THSD4: variants seen among roughly 807,000 people sequenced by gnomAD.
The protein encoded by THSD4 is thrombospondin type-1 domain-containing protein 4.
THSD4 carries 69 observed loss-of-function variants against 119.0 expected under a neutral mutation model. That is an observed-to-expected ratio of 0.58 (90% CI 0.48 to 0.71). THSD4 has a LOEUF of 0.71. THSD4 is among the 30% of genes least tolerant of loss of function. The pLI, the probability that THSD4 is intolerant of heterozygous loss-of-function variation, is 0.00. For missense variants in THSD4, 1,393 were observed against 1,391.1 expected, an observed-to-expected ratio of 1.00 and a Z score of -0.02; for synonymous variants, 524 against 540.4, an observed-to-expected ratio of 0.97 and a Z score of 0.42.
At chr15:71,135,709 T>C (rs1254418841) in intron 1 of THSD4, among the ~76,000 whole-genome samples, 2 of 152,212 alleles carry the variant, frequency 1.3e-5, no homozygotes, top group African/African-American at 4.8e-5. Context: ...GCCAAAGCTC[T>C]TTCTCCAATG....
chr15:71,240,785 A>G (rs1025288343), intron 4 of THSD4, among the ~76,000 whole-genome samples: 5 of 145,068 alleles, frequency 3.4e-5, no homozygotes, highest in Non-Finnish European at 7.4e-5. Flanking sequence ...TCCAAGTTTT[A>G]TATATATGTG....
chr15:71,181,975 G>T (rs17784813), intron 3 of THSD4, among the ~76,000 whole-genome samples: 25,330 of 152,184 alleles, frequency 0.17, 2,177 homozygotes, highest in Admixed American at 0.21. Flanking sequence ...TGCAGAAGAT[G>T]TTGAGAGATC....
chr15:71,732,025 C>A (rs903708345), intron 10 of THSD4: 1 of 152,302 alleles, frequency 6.6e-6, no homozygotes, highest in Admixed American at 6.5e-5. Context: ...TCTCTCTGAC[C>A]CTGGCCTCAT....
chr15:71,256,283 T>G (rs1485950603), intron 5 of THSD4, among the ~76,000 whole-genome samples: 1 of 152,076 alleles, frequency 6.6e-6, no homozygotes, highest in African/African-American at 2.4e-5. Flanking sequence ...AAGACCAGCC[T>G]GGCCAACATG....
chr15:71,737,007 T>TAAAA (rs1431477371), intron 10 of THSD4, among the ~76,000 whole-genome samples: 1 of 152,238 alleles, frequency 6.6e-6, no homozygotes, highest in African/African-American at 2.4e-5. Context: ...TTGTCATTTC[T>TAAAA]TCATGTCGGA....
intron 7 of THSD4, among the ~76,000 whole-genome samples, chr15:71,637,500 C>T (rs930252808): frequency 4.6e-5 from 7 of 152,068 alleles, no homozygotes; most frequent in African/African-American, 1.7e-4. Flanking sequence ...GAAGACCCCA[C>T]GTGCAGGGAA....
intron 6 of THSD4, among the ~76,000 whole-genome samples, chr15:71,404,861 T>C (rs758224993): frequency 6.9e-6 from 1 of 145,224 alleles, no homozygotes; most frequent in African/African-American, 2.7e-5. Flanking sequence ...CTTTTCTTTC[T>C]TTTCTTTCCT....
intron 7 of THSD4, among the ~76,000 whole-genome samples, chr15:71,456,018 C>T (rs1399580589): frequency 1.3e-5 from 2 of 152,188 alleles, no homozygotes; most frequent in Non-Finnish European, 2.9e-5. Context: ...AGGGGGCCAC[C>T]TTTTGTAAGC....
intron 7 of THSD4, among the ~76,000 whole-genome samples, chr15:71,546,437 G>A (rs1048708268): frequency 6.6e-6 from 1 of 152,168 alleles, no homozygotes; most frequent in African/African-American, 2.4e-5. Context: ...GCTTTAGGAA[G>A]ACCCTTTTCC....
chr15:71,584,690 A>G (rs554210537), intron 7 of THSD4, among the ~76,000 whole-genome samples: 39 of 152,218 alleles, frequency 2.6e-4, no homozygotes, highest in Non-Finnish European at 2.4e-4. Flanking sequence ...TGATTAGATA[A>G]TTTAATCTAT....
At position 71,364,703 on chromosome 15, in the gene THSD4, G is replaced by A. The variant is rs573211534; in HGVS notation, c.1016-46984G>A. On this transcript the variant is annotated intron_variant, in intron 6 of 17. Coordinates refer to ENST00000261862, the MANE Select transcript of THSD4 (RefSeq NM_024817.3). The stretch of plus-strand genomic sequence containing the variant: ...GAATCATTAGTACGCACATAGTTTA[G>A]TTTTATTTTATTTTGTCACCTACTC... Among the ~76,000 whole-genome samples the A allele has an allele frequency of 2.0e-5, 3 of 152,256 alleles. No homozygotes were observed. The South Asian group carries it at 6.2e-4, about 32-fold the overall frequency.
At chr15:71,311,685 A>G (rs1402918928) in intron 6 of THSD4, among the ~76,000 whole-genome samples, 7 of 152,184 alleles carry the variant, frequency 4.6e-5, no homozygotes, top group African/African-American at 1.4e-4. Context: ...ATCCTTGTGT[A>G]TCATATAATA....
intron 7 of THSD4, among the ~76,000 whole-genome samples, chr15:71,519,505 G>C (rs1033053892): frequency 1.3e-5 from 2 of 152,060 alleles, no homozygotes; most frequent in African/African-American, 4.8e-5. Flanking sequence ...GGGATTACAG[G>C]TGCCCACCAC....
rs1040260824 is a variant in THSD4 at position 71,630,314 on chromosome 15, C to T, written c.1153-30216C>T. 3.9e-5 allele frequency among the ~76,000 whole-genome samples: 6 copies of T among 152,286 alleles called. No homozygotes were observed. The East Asian group carries it at 1.2e-3, about 29-fold the overall frequency. ...CACAGAGCTCTGCTCTGTCTCGTCACGGCACTGCCTTTGATCTTTAATTTG... is the reference window on the plus strand; with the variant it reads ...CACAGAGCTCTGCTCTGTCTCGTCATGGCACTGCCTTTGATCTTTAATTTG... On this transcript the variant is annotated intron_variant, in intron 7 of 17. Transcript: ENST00000261862.
intron 7 of THSD4, among the ~76,000 whole-genome samples, chr15:71,452,340 T>C (rs1341461243): frequency 6.6e-6 from 1 of 151,992 alleles, no homozygotes; most frequent in Non-Finnish European, 1.5e-5. Context: ...AAACTCTCTG[T>C]AGTTTTCTAT....
At chr15:71,386,511 A>T (rs543468677) in intron 6 of THSD4, among the ~76,000 whole-genome samples, 1 of 152,362 alleles carries the variant, frequency 6.6e-6, no homozygotes, top group Non-Finnish European at 1.5e-5. Context: ...AAAGGGGCAT[A>T]TATTTTCAAT....
intron 14 of THSD4, among the ~76,000 whole-genome samples, chr15:71,756,474 C>T (rs1483438): frequency 0.97 from 148,194 of 152,196 alleles, 72,167 homozygotes; most frequent in South Asian, 1. Context: ...CAGATAAGGA[C>T]GCCCCAAAAA....
At chr15:71,435,507 C>G (rs985854472) in intron 7 of THSD4, among the ~76,000 whole-genome samples, 1 of 152,148 alleles carries the variant, frequency 6.6e-6, no homozygotes, top group Non-Finnish European at 1.5e-5. Flanking sequence ...TTCTTTATCT[C>G]ATAAGTGACT....
intron 7 of THSD4, among the ~76,000 whole-genome samples, chr15:71,521,773 A>G (rs533302680): frequency 2.0e-5 from 3 of 152,296 alleles, no homozygotes; most frequent in African/African-American, 7.2e-5. Context: ...AGCTCCTTGG[A>G]GAAAAAAGTT....
Sources: allele counts gnomAD v4.1 joint callset (sites outside exome capture counted in the v4.1 genomes callset), GRCh38; gene constraint gnomAD v4.1.1; transcripts MANE v1.5; gene names NCBI Gene and HGNC (gene_info 2026-07-23, HGNC 2026-07-21).